REV1: variants seen among roughly 807,000 people sequenced by gnomAD.
REV1 encodes the protein REV1 DNA directed polymerase.
Under a neutral mutation model 137.4 loss-of-function variants are expected in REV1, and 42 were observed. That is an observed-to-expected ratio of 0.31 (90% CI 0.24 to 0.40). The LOEUF is 0.40. Ranked by LOEUF, REV1 falls within the 10% of genes least tolerant of loss-of-function variation. The pLI is 1.00. For synonymous variants in REV1, 524 were observed against 519.2 expected, an observed-to-expected ratio of 1.01 and a Z score of -0.12; for missense variants, 1,282 against 1,490.1, an observed-to-expected ratio of 0.86 and a Z score of 2.30.
At chr2:99,476,342 G>A (rs1344573846) in intron 1 of REV1, among the ~76,000 whole-genome samples, 2 of 152,080 alleles carry the variant, frequency 1.3e-5, no homozygotes, top group Non-Finnish European at 2.9e-5. Flanking sequence ...CAGATCACAA[G>A]GTTAGGAGTT....
At chr2:99,438,540 A>C in intron 6 of REV1, 61 bp downstream of exon 6, 1 of 1,294,464 alleles carries the variant, frequency 7.7e-7, no homozygotes, top group Non-Finnish European at 1.1e-6. Context: ...CAATAATAGC[A>C]TAAGAGCAAA....
intron 3 of REV1, among the ~76,000 whole-genome samples, chr2:99,459,015 T>C (rs553838791): frequency 5.3e-5 from 8 of 152,086 alleles, no homozygotes; most frequent in African/African-American, 9.7e-5. Flanking sequence ...AAGACCATAC[T>C]GGCTAACACG....
At position 99,425,405 on chromosome 2, in the gene REV1, T is replaced by A. The variant is rs188115358; in HGVS notation, c.1548-1125A>T. 1.9e-3 allele frequency among the ~76,000 whole-genome samples: 296 copies of A among 152,280 alleles called. 3 individuals carry two copies. The highest frequency in any genetic ancestry group is 2.6e-3 in the Non-Finnish European group (178 of 68,026). ...CTAAGAGGAAGGAAAATGACAGAGT[T>A]GTAAAGAAAACAATTCTTGATGTGT... On this transcript the variant is annotated intron_variant, in intron 9 of 22. Coordinates refer to ENST00000258428, the MANE Select transcript of REV1 (RefSeq NM_016316.4).
At chr2:99,425,951 G>A (rs1032080464) in intron 9 of REV1, among the ~76,000 whole-genome samples, 8 of 152,058 alleles carry the variant, frequency 5.3e-5, no homozygotes, top group African/African-American at 9.7e-5. Context: ...CAGGATAATC[G>A]CTTGAACCTG....
chr2:99,445,879 T>C (rs1682138225), intron 4 of REV1, among the ~76,000 whole-genome samples: 2 of 152,194 alleles, frequency 1.3e-5, no homozygotes, highest in Non-Finnish European at 2.9e-5. Context: ...ACACCCCACA[T>C]ACTTACAAGT....
intron 1 of REV1, among the ~76,000 whole-genome samples, chr2:99,484,845 G>A (rs1326391596): frequency 6.6e-6 from 1 of 152,106 alleles, no homozygotes; most frequent in East Asian, 1.9e-4. Context: ...TTATGACCTC[G>A]GGAACTGGCC....
chr2:99,405,789 C>A, intron 17 of REV1, 121 bp downstream of exon 17: 1 of 647,218 alleles, frequency 1.5e-6, no homozygotes. Flanking sequence ...GTGGCCCGTT[C>A]TCCCTTTCTT....
chr2:99,406,283 A>G (rs775707630), intron 16 of REV1, 42 bp downstream of exon 16: 2 of 1,563,646 alleles, frequency 1.3e-6, no homozygotes, highest in Admixed American at 1.9e-5. Context: ...TTCCAAGGAC[A>G]TAAGCAGCAC....
chr2:99,405,785 C>T (rs1375708920), intron 17 of REV1, 125 bp downstream of exon 17: 12 of 621,986 alleles, frequency 1.9e-5, no homozygotes, highest in South Asian at 4.6e-5. Context: ...ACAAGTGGCC[C>T]GTTCTCCCTT....
At chr2:99,473,260 C>G (rs541195424) in intron 1 of REV1, among the ~76,000 whole-genome samples, 73 of 151,466 alleles carry the variant, frequency 4.8e-4, no homozygotes, top group African/African-American at 1.7e-3. Flanking sequence ...CCCAGCTACT[C>G]AGGAGGCTGA....
intron 3 of REV1, among the ~76,000 whole-genome samples, chr2:99,461,008 G>T (rs147704013): frequency 2.7e-3 from 292 of 108,682 alleles, no homozygotes; most frequent in South Asian, 4.9e-3. Context: ...ACTGGCTAAT[G>T]TAAGAAGCAA....
chr2:99,410,765 C>G lies in REV1; in HGVS notation c.2275G>C (p.Val759Leu). ...KGKRLTLKIM[V>L]RKPGAPVETA... is the part of the protein sequence containing the mutation. ...TCTACAGGAGCCCCAGGCTTTCGTA[C>G]CATGATTTTGAGAGTTAGACGTTTA... Residue 759 changes from valine to leucine, a missense_variant, in exon 14 of 23, where the codon GTA becomes CTA. Around this residue, in one of 7 missense-constraint regions of REV1, gnomAD observed 372 missense variants for 482.3 expected, o/e 0.77. Transcript: ENST00000258428. 1.9e-6 allele frequency: 3 copies of G among 1,611,570 alleles called. No homozygotes were observed. Among genetic ancestry groups the G allele is most frequent in the Non-Finnish European group, 2.5e-6 (3 of 1,179,306 alleles).
At chr2:99,483,210 T>TAAAAGA (rs1219821638) in intron 1 of REV1, among the ~76,000 whole-genome samples, 1 of 152,032 alleles carries the variant, frequency 6.6e-6, no homozygotes, top group African/African-American at 2.4e-5. Context: ...GAAAACCATT[T>TAAAAGA]AAAAGAGCAA....
chr2:99,470,681 G>T (rs1024588899), intron 1 of REV1, among the ~76,000 whole-genome samples: 2 of 152,044 alleles, frequency 1.3e-5, no homozygotes, highest in Non-Finnish European at 2.9e-5. Flanking sequence ...CTCTGCCTTT[G>T]CCTCTTTTAA....
intron 17 of REV1, 114 bp downstream of exon 17, chr2:99,405,792 CCTTT>C (rs1676195952): frequency 1.5e-6 from 1 of 674,038 alleles, no homozygotes; most frequent in African/African-American, 1.9e-5. Flanking sequence ...GCCCGTTCTC[CCTTT>C]CTTGGTTAAA....
At chr2:99,446,515 G>A (rs1246705675) in intron 4 of REV1, among the ~76,000 whole-genome samples, 2 of 151,382 alleles carry the variant, frequency 1.3e-5, no homozygotes, top group African/African-American at 4.9e-5. Flanking sequence ...TCTTTTTTTT[G>A]AGACAGTCTC....
Position 99,487,319 on chromosome 2 carries a change from C to T in REV1, c.-11+2498G>A, listed in dbSNP as rs545899891. ...CAGGATGCTTTTAGAGGACACTAAG[C>T]AAGAAAGTGACAATCTGATTTACAT... On this transcript the variant is annotated intron_variant, in intron 1 of 22. Transcript: ENST00000258428. Among the ~76,000 whole-genome samples, 10 of 51,856 alleles carry T rather than the reference C, an allele frequency of 1.9e-4. 2 individuals are homozygous for T. Among genetic ancestry groups the T allele is most frequent in the Non-Finnish European group, 4.3e-4 (10 of 23,274 alleles). 34.0% of individuals were successfully genotyped at this position (51,856 alleles called of 152,430 possible). A position where few individuals can be genotyped will look rare whatever the true frequency, so the allele number is the denominator to read the frequency against.
At chr2:99,401,897 C>A (rs1353295838) in intron 22 of REV1, among the ~76,000 whole-genome samples, 1 of 151,842 alleles carries the variant, frequency 6.6e-6, no homozygotes, top group Non-Finnish European at 1.5e-5. Flanking sequence ...GCACCACCAC[C>A]CCCCCAGATT....
chr2:99,410,570 G>A, intron 14 of REV1, 125 bp downstream of exon 14: 1 of 828,226 alleles, frequency 1.2e-6, no homozygotes, highest in South Asian at 1.9e-5. Context: ...TGCTTCTACA[G>A]AATACCAGAT....
Sources: gnomAD v4.1 joint callset for allele counts (sites outside exome capture counted in the v4.1 genomes callset) on GRCh38, gnomAD v4.1.1 for gene constraint, gnomAD v4.1.1 regional missense constraint, MANE v1.5 for transcripts, NCBI Gene and HGNC (gene_info 2026-07-23, HGNC 2026-07-21) for gene names.